Variants in PAICS observed in about 807,000 individuals in gnomAD.
The protein encoded by PAICS is bifunctional phosphoribosylaminoimidazole carboxylase/phosphoribosylaminoimidazole succinocarboxamide synthetase.
PAICS carries 33 observed loss-of-function variants against 53.7 expected under a neutral mutation model. The ratio of observed to expected loss-of-function variants is 0.61; its 90% CI spans 0.47 to 0.82. The LOEUF is 0.82. PAICS is among the 40% of genes least tolerant of loss of function. The probability of loss-of-function intolerance (pLI) is 0.00; values close to 1 mark genes in which losing one functional copy is unlikely to be tolerated. For synonymous variants in PAICS, 141 were observed against 167.2 expected (o/e 0.84, Z 1.21); for missense variants, 394 against 494.1 (o/e 0.80, Z 1.92).
At chr4:56,443,962 A>C (rs1425164572) in intron 2 of PAICS, among the ~76,000 whole-genome samples, 1 of 152,206 alleles carries the variant, frequency 6.6e-6, no homozygotes, top group Non-Finnish European at 1.5e-5. Flanking sequence ...AGTACTATGA[A>C]ACTAAGTAAA....
the PAICS span, chr4:56,419,491 A>T: frequency 5.7e-6 from 1 of 175,376 alleles, no homozygotes; most frequent in Non-Finnish European, 1.1e-5. Context: ...AGAAAAGCTA[A>T]GCTATGATTT....
At chr4:56,425,453 A>G in the PAICS span, 1 of 887,762 alleles carries the variant, frequency 1.1e-6, no homozygotes, top group Non-Finnish European at 1.3e-6. Context: ...AAGCTCAGAC[A>G]TAGGTATGCT....
intron 3 of PAICS, 43 bp downstream of exon 3, chr4:56,446,916 G>C: frequency 8.6e-7 from 1 of 1,163,738 alleles, no homozygotes; most frequent in Non-Finnish European, 1.2e-6. Context: ...CTGTAACACG[G>C]CAATAAATTT....
intron 8 of PAICS, among the ~76,000 whole-genome samples, chr4:56,455,532 T>TG (rs895378245): frequency 6.6e-6 from 1 of 152,114 alleles, no homozygotes; most frequent in Non-Finnish European, 1.5e-5. Context: ...TCCCCTTACT[T>TG]GGTTTATTTT....
At chr4:56,450,505 A>G in intron 5 of PAICS, 114 bp from the exon 6 acceptor site, 1 of 612,908 alleles carries the variant, frequency 1.6e-6, no homozygotes, top group South Asian at 2.1e-5. Context: ...ATGCATTTTC[A>G]GAAGTATCCC....
the PAICS span, chr4:56,416,392 A>G: frequency 1.1e-6 from 1 of 906,490 alleles, no homozygotes; most frequent in Non-Finnish European, 1.3e-6. Context: ...AAGATGTCTC[A>G]GGAAATCCTT....
In PAICS at chr4:56,436,368, C is replaced by T. The variant is rs1299784192; in HGVS notation, c.16+40C>T. On this transcript the variant is annotated intron_variant, in intron 1 of 8. Transcript: ENST00000512576. ...TCCGGGCCCTTCACGGTCTCCCTGA[C>T]CCCCAGGCCGTGAGCTCGCGGCCAC... The T allele has an allele frequency of 2.1e-6, 3 of 1,453,060 alleles. No homozygotes were observed. The African/African-American group carries it at 4.3e-5, about 21-fold the overall frequency. 90.0% of individuals were successfully genotyped at this position (1,453,060 alleles called of 1,614,324 possible).
upstream of PAICS, among the ~76,000 whole-genome samples, chr4:56,434,165 T>C (rs1653676253): frequency 6.6e-6 from 1 of 152,194 alleles, no homozygotes; most frequent in Admixed American, 6.5e-5. Flanking sequence ...AAGTTAAAAA[T>C]ATTCTTTTTG....
At chr4:56,439,708 G>A (rs993319454) in intron 1 of PAICS, among the ~76,000 whole-genome samples, 1 of 151,876 alleles carries the variant, frequency 6.6e-6, no homozygotes, top group African/African-American at 2.4e-5. Context: ...AGGCTTGAGT[G>A]AAATAGTGCA....
At chr4:56,434,929 G>A (rs935684042), upstream of PAICS, among the ~76,000 whole-genome samples, 5 of 152,250 alleles carry the variant, frequency 3.3e-5, no homozygotes, top group African/African-American at 9.6e-5. Context: ...ACCTTTAGGT[G>A]TTGAAGGACC....
upstream of PAICS, chr4:56,436,188 A>G (rs373567251): frequency 1.1e-5 from 17 of 1,511,342 alleles, no homozygotes; most frequent in East Asian, 1.2e-4. Flanking sequence ...GAGCTCGAAA[A>G]GAGTGGCGCA....
the PAICS span, among the ~76,000 whole-genome samples, chr4:56,429,801 C>G: frequency 1.3e-5 from 2 of 152,186 alleles, no homozygotes; most frequent in Non-Finnish European, 2.9e-5. Flanking sequence ...CCTTCCGCCC[C>G]CATAAACATT....
chr4:56,435,905 C>T, upstream of PAICS: 1 of 1,488,928 alleles, frequency 6.7e-7, no homozygotes, highest in Non-Finnish European at 9.0e-7. Flanking sequence ...TCCCTGCATG[C>T]TTCCCCCAGG....
Position 56,448,809 on chromosome 4 carries a change from C to T in PAICS, c.673C>T (p.Gln225Ter). 1.9e-6 allele frequency: 3 copies of T among 1,556,542 alleles called. No individual in the cohort carries two copies. The highest frequency in any genetic ancestry group is 2.6e-6 in the Non-Finnish European group (3 of 1,136,756). ...RLWPSGDRSQQKDKQSYRDLK... is the reference protein window; with the variant it reads ...RLWPSGDRSQ ...CTGGCCATCAGGAGATCGAAGCCAA[C>T]AGAAAGACAAACAGGTAGATAATGC... The change falls in exon 5 of 9, where the codon CAG becomes TAG. Residue 225 changes from glutamine to a stop codon, truncating the protein, a stop_gained. Coordinates refer to ENST00000512576, the MANE Select transcript of PAICS (RefSeq NM_001079524.2). LOFTEE classifies it high-confidence loss of function.
At chr4:56,447,106 A>G (rs1718662667) in intron 3 of PAICS, among the ~76,000 whole-genome samples, 1 of 151,502 alleles carries the variant, frequency 6.6e-6, no homozygotes, top group Non-Finnish European at 1.5e-5. Context: ...TTGAACCAAG[A>G]TGACTAACAG....
rs1164901603 is a variant in PAICS at position 56,441,676 on chromosome 4, T to C, written c.30T>C (p.Gly10=). Residue 10 remains glycine, a synonymous_variant, in exon 2 of 9, where the codon GGT becomes GGC. Transcript: ENST00000512576. MATAEVLNI[G]KKLYEGKTKE... is the part of the protein sequence containing the mutation. ...TTATTTCCACAGTACTGAACATTGG[T>C]AAAAAATTATATGAGGGTAAAACAA... 8.9e-6 allele frequency: 14 copies of C among 1,572,076 alleles called. No homozygotes were observed. The highest frequency in any genetic ancestry group is 1.2e-5 in the Non-Finnish European group (14 of 1,160,714).
chr4:56,412,555 G>A, the PAICS span, among the ~76,000 whole-genome samples: 1 of 152,098 alleles, frequency 6.6e-6, no homozygotes, highest in East Asian at 1.9e-4. Flanking sequence ...TCCTGCTTCG[G>A]CTTCCCGAAG....
chr4:56,458,117 T>A (rs891433396), intron 8 of PAICS, among the ~76,000 whole-genome samples: 4 of 152,076 alleles, frequency 2.6e-5, no homozygotes, highest in African/African-American at 9.7e-5. Context: ...AATTGGCAGT[T>A]TTTATAGTAG....
rs555590067 is a variant in PAICS, at chr4:56,457,233, C to T, written c.1112-2139C>T. ...CCTGAGCTCAGCCTAGGCAACCTGG[C>T]GAAACCCCATCTCTACCATAAATAC... On this transcript the variant is annotated intron_variant, in intron 8 of 8. Transcript: ENST00000512576. Among the ~76,000 whole-genome samples, 3 of 152,044 alleles carry T rather than the reference C, an allele frequency of 2.0e-5. No individual in the cohort carries two copies. In the East Asian group the frequency reaches 5.8e-4, roughly 30 times the overall value.
Sources: allele counts gnomAD v4.1 joint callset (sites outside exome capture counted in the v4.1 genomes callset), GRCh38; gene constraint gnomAD v4.1.1; transcripts MANE v1.5; gene names NCBI Gene and HGNC (gene_info 2026-07-23, HGNC 2026-07-21).